Variants in TENM2 observed in about 807,000 individuals in gnomAD.
The protein encoded by TENM2 is teneurin transmembrane protein 2.
A neutral mutation model predicts 245.2 loss-of-function variants in TENM2; 52 were observed. The observed-to-expected ratio is 0.21, with a 90% CI of 0.17 to 0.27. The LOEUF (loss-of-function observed/expected upper bound fraction) is 0.27. Ranked by LOEUF, TENM2 falls within the 10% of genes least tolerant of loss-of-function variation. TENM2 has a pLI of 1.00. For synonymous variants in TENM2, 1,363 were observed against 1,438.9 expected, an observed-to-expected ratio of 0.95 and a Z score of 1.19; for missense variants, 3,046 against 3,666.8, an observed-to-expected ratio of 0.83 and a Z score of 4.37.
chr5:167,171,867 A>C, the TENM2 span, among the ~76,000 whole-genome samples: 1 of 152,232 alleles, frequency 6.6e-6, no homozygotes, highest in African/African-American at 2.4e-5. Context: ...GGCCACCCAG[A>C]GCAGAGCAGA....
At chr5:167,174,038 C>T in the TENM2 span, among the ~76,000 whole-genome samples, 7 of 151,128 alleles carry the variant, frequency 4.6e-5, no homozygotes, top group Admixed American at 3.3e-4. Flanking sequence ...TTCTTCATTT[C>T]CTTTTTCCAC....
At chr5:168,046,244 G>A in intron 5 of TENM2, among the ~76,000 whole-genome samples, 1 of 152,176 alleles carries the variant, frequency 6.6e-6, no homozygotes, top group South Asian at 2.1e-4. Context: ...ATTGTTAATT[G>A]TGTTCCCTGC....
In TENM2 at chr5:167,653,120, C is replaced by T. The variant is rs193156047; in HGVS notation, c.503-222866C>T. 1.1e-4 allele frequency: 17 copies of T among 152,060 alleles called. No individual in the cohort carries two copies. The East Asian group carries it at 1.7e-3, about 16-fold the overall frequency. The allele number at this position is 152,060 out of a possible 1,614,324, so 9.4% of individuals were successfully genotyped here. On this transcript the variant is annotated intron_variant, in intron 2 of 28. Coordinates refer to ENST00000518659, the Ensembl canonical transcript of TENM2. ...TGCTAACAATACAAACGTGAAACTT[C>T]GCAAAATAGAAGAGAGACCAAACAC... is the stretch of plus-strand genomic sequence containing the variant.
chr5:167,148,503 T>A, the TENM2 span, among the ~76,000 whole-genome samples: 1 of 152,202 alleles, frequency 6.6e-6, no homozygotes, highest in African/African-American at 2.4e-5. Context: ...TACATAGACA[T>A]CCAGGTATAT....
intron 2 of TENM2, among the ~76,000 whole-genome samples, chr5:167,726,195 C>A (rs1759993317): frequency 6.6e-6 from 1 of 151,902 alleles, no homozygotes. Context: ...AAATCAAATG[C>A]CTCTGAAAAG....
At chr5:167,958,608 G>T (rs1780745148) in intron 4 of TENM2, among the ~76,000 whole-genome samples, 1 of 152,118 alleles carries the variant, frequency 6.6e-6, no homozygotes, top group African/African-American at 2.4e-5. Flanking sequence ...TTTTTGCTGT[G>T]GCTGGTACCA....
At chr5:167,018,253 G>A in the TENM2 span, among the ~76,000 whole-genome samples, 1 of 152,064 alleles carries the variant, frequency 6.6e-6, no homozygotes, top group African/African-American at 2.4e-5. Context: ...ATCAGTTTAG[G>A]TGTTTCATTG....
At chr5:167,859,363 C>A (rs1291018774) in intron 2 of TENM2, among the ~76,000 whole-genome samples, 6 of 140,084 alleles carry the variant, frequency 4.3e-5, no homozygotes, top group Non-Finnish European at 8.0e-5. Context: ...GCAGCCACCC[C>A]GTCCGGGAGG....
intron 24 of TENM2, among the ~76,000 whole-genome samples, chr5:168,227,421 G>A (rs1289348705): frequency 6.6e-6 from 1 of 152,050 alleles, no homozygotes; most frequent in African/African-American, 2.4e-5. Context: ...AAAGAATCCT[G>A]GGCTTTGATT....
At position 167,929,599 on chromosome 5, in the gene TENM2, A is replaced by G. The variant is rs77910228; in HGVS notation, c.713-22989A>G. 3.7e-3 allele frequency among the ~76,000 whole-genome samples: 568 copies of G among 152,270 alleles called. 4 individuals are homozygous for G. Among genetic ancestry groups the G allele is most frequent in the African/African-American group, 0.013 (551 of 41,564 alleles). ...GCATCACAATCAGGCTCAGGCATAC[A>G]ATAGATGCTTCATAAGTGGCTGTTG... On this transcript the variant is annotated intron_variant, in intron 3 of 28. Coordinates refer to ENST00000518659, the Ensembl canonical transcript of TENM2.
the TENM2 span, among the ~76,000 whole-genome samples, chr5:167,200,011 T>G: frequency 5.0e-3 from 760 of 152,220 alleles, 7 homozygotes; most frequent in African/African-American, 0.018. Context: ...AACTTAGGGA[T>G]ACTTCTTTGC....
intron 2 of TENM2, among the ~76,000 whole-genome samples, chr5:167,854,193 A>G (rs1341618688): frequency 6.6e-6 from 1 of 152,230 alleles, no homozygotes; most frequent in Non-Finnish European, 1.5e-5. Flanking sequence ...ATACTCACAA[A>G]TAACATATTC....
chr5:167,108,988 A>G, the TENM2 span, among the ~76,000 whole-genome samples: 3 of 152,238 alleles, frequency 2.0e-5, no homozygotes, highest in African/African-American at 4.8e-5. Flanking sequence ...TCCAAAGCTT[A>G]GTAGCTAATT....
intron 20 of TENM2, among the ~76,000 whole-genome samples, chr5:168,212,948 T>C (rs1377442072): frequency 1.3e-5 from 2 of 152,178 alleles, no homozygotes; most frequent in African/African-American, 4.8e-5. Flanking sequence ...GCCAGAGCTT[T>C]TGAAAAGCCT....
At chr5:167,145,603 G>A in the TENM2 span, among the ~76,000 whole-genome samples, 1 of 152,094 alleles carries the variant, frequency 6.6e-6, no homozygotes, top group East Asian at 1.9e-4. Context: ...TGCACACGGG[G>A]AATTTAGGAC....
intron 1 of TENM2, among the ~76,000 whole-genome samples, chr5:167,373,540 G>T (rs1760567979): frequency 6.6e-6 from 1 of 152,144 alleles, no homozygotes; most frequent in Admixed American, 6.5e-5. Flanking sequence ...AAAGAAATCA[G>T]CATTATACAT....
intron 2 of TENM2, among the ~76,000 whole-genome samples, chr5:167,739,435 G>GT (rs1761023014): frequency 6.6e-6 from 1 of 152,166 alleles, no homozygotes; most frequent in Non-Finnish European, 1.5e-5. Context: ...AGTCTACTTT[G>GT]TCTTTTCCTT....
chr5:168,044,463 A>G (rs1240938518), intron 5 of TENM2, among the ~76,000 whole-genome samples: 1 of 152,098 alleles, frequency 6.6e-6, no homozygotes, highest in Non-Finnish European at 1.5e-5. Flanking sequence ...ACTAGTCCAT[A>G]TTGCTACCAG....
the TENM2 span, among the ~76,000 whole-genome samples, chr5:167,106,183 T>C: frequency 6.6e-6 from 1 of 152,124 alleles, no homozygotes; most frequent in Non-Finnish European, 1.5e-5. Flanking sequence ...CAGTATTAAA[T>C]AAACATTGCT....
Sources: gnomAD v4.1 joint callset for allele counts (sites outside exome capture counted in the v4.1 genomes callset) on GRCh38, gnomAD v4.1.1 for gene constraint, MANE v1.5 for transcripts, NCBI Gene and HGNC (gene_info 2026-07-23, HGNC 2026-07-21) for gene names.